The following NPFFR2 variants were observed in gnomAD, a reference collection of about 807,000 sequenced individuals.
NPFFR2 encodes G-protein coupled receptor 74.
Under a neutral mutation model 13.1 loss-of-function variants are expected in NPFFR2, and 15 were observed. The ratio of observed to expected loss-of-function variants is 1.15; its 90% confidence interval spans 0.77 to 1.76. The LOEUF (loss-of-function observed/expected upper bound fraction) is 1.76. NPFFR2 is among the 40% of genes most tolerant of loss of function. NPFFR2 has a pLI of 0.00. For synonymous variants in NPFFR2, 190 were observed against 175.7 expected, an observed-to-expected ratio of 1.08 and a Z score of -0.65; for missense variants, 572 against 503.5, an observed-to-expected ratio of 1.14 and a Z score of -1.30.
At chr4:72,050,957 G>A (rs1295924014) in intron 1 of NPFFR2, among the ~76,000 whole-genome samples, 16 of 151,810 alleles carry the variant, frequency 1.1e-4, no homozygotes, top group Non-Finnish European at 1.3e-4. Context: ...ATTTTTTATG[G>A]CTGCATAGTA....
At chr4:72,131,724 T>G (rs1393946590) in intron 2 of NPFFR2, among the ~76,000 whole-genome samples, 3 of 152,158 alleles carry the variant, frequency 2.0e-5, no homozygotes, top group African/African-American at 7.2e-5. Context: ...GTGATTTTAC[T>G]AAAAGATTAT....
Position 72,147,655 on chromosome 4 carries a change from G to T in NPFFR2, c.1106G>T (p.Ser369Ile). The T allele has an allele frequency of 6.2e-7, 1 of 1,614,098 alleles. No individual in the cohort carries two copies. Among genetic ancestry groups the T allele is most frequent in the Non-Finnish European group, 8.5e-7 (1 of 1,180,022 alleles). The change falls in exon 4 of 4, where the codon AGC becomes ATC. Residue 369 changes from serine to isoleucine, a missense_variant. By Grantham distance (142) the Ser-to-Ile change is moderately radical. Transcript: ENST00000308744. ...GAAGCTTATGCCCTAAAAGCTAAAA[G>T]CCATGTGCTCATAAACACATCTAAT... is the stretch of plus-strand genomic sequence containing the variant. Reference protein sequence around the residue: ...PMEAYALKAKSHVLINTSNQL... With the variant: ...PMEAYALKAKIHVLINTSNQL...
At chr4:72,118,368 G>T (rs1721770634) in intron 1 of NPFFR2, among the ~76,000 whole-genome samples, 1 of 152,142 alleles carries the variant, frequency 6.6e-6, no homozygotes, top group South Asian at 2.1e-4. Flanking sequence ...ATTATCCAAT[G>T]AAAACCTAAC....
intron 3 of NPFFR2, among the ~76,000 whole-genome samples, chr4:72,139,804 G>A (rs1722540329): frequency 6.6e-6 from 1 of 152,150 alleles, no homozygotes; most frequent in Admixed American, 6.6e-5. Context: ...GAAAGTCAAT[G>A]GTAGCTTGAT....
chr4:72,049,838 G>GT (rs747391477), intron 1 of NPFFR2, among the ~76,000 whole-genome samples: 5 of 152,130 alleles, frequency 3.3e-5, no homozygotes, highest in African/African-American at 9.6e-5. Flanking sequence ...AATGTAATTG[G>GT]TTTTTGTTCC....
intron 2 of NPFFR2, among the ~76,000 whole-genome samples, chr4:72,132,302 A>G (rs1680788896): frequency 2.0e-5 from 3 of 152,290 alleles, no homozygotes; most frequent in South Asian, 4.1e-4. Flanking sequence ...CTCCAGCTCC[A>G]TCCATGTTCC....
At chr4:72,104,280 G>A (rs780200946) in intron 1 of NPFFR2, among the ~76,000 whole-genome samples, 56 of 152,080 alleles carry the variant, frequency 3.7e-4, no homozygotes, top group Non-Finnish European at 7.4e-4. Context: ...TGATGATGTC[G>A]ATTATCATCC....
chr4:72,147,912 A>C lies in NPFFR2; in HGVS notation c.*100A>C. On this transcript the variant is annotated 3_prime_UTR_variant, in exon 4 of 4. Coordinates refer to ENST00000308744, the MANE Select transcript of NPFFR2 (RefSeq NM_004885.3). ...TTCAAATTTTTCAAAGAATGTTCTA[A>C]ATAAAACATTTACTGAAAGCCCTCT... The C allele has an allele frequency of 4.3e-6, 4 of 930,358 alleles. No homozygotes were observed. Among genetic ancestry groups the C allele is most frequent in the Non-Finnish European group, 6.1e-6 (4 of 657,524 alleles). 57.6% of individuals were successfully genotyped at this position (930,358 alleles called of 1,614,324 possible).
chr4:72,051,687 A>G (rs1374531409), intron 1 of NPFFR2, among the ~76,000 whole-genome samples: 2 of 152,122 alleles, frequency 1.3e-5, no homozygotes, highest in Non-Finnish European at 2.9e-5. Flanking sequence ...AACCCTTCAA[A>G]AAATTGGTGA....
chr4:72,052,739 T>G (rs984715663), intron 1 of NPFFR2, among the ~76,000 whole-genome samples: 9 of 151,898 alleles, frequency 5.9e-5, no homozygotes, highest in African/African-American at 2.2e-4. Context: ...TAACTAAGAG[T>G]CTGGCACCTT....
intron 1 of NPFFR2, among the ~76,000 whole-genome samples, chr4:72,055,549 G>A (rs1285562468): frequency 1.3e-5 from 2 of 151,794 alleles, no homozygotes; most frequent in Non-Finnish European, 2.9e-5. Context: ...ACCCTACAAT[G>A]GCCTCTAAGT....
At chr4:72,075,928 A>C (rs1323307684) in intron 1 of NPFFR2, among the ~76,000 whole-genome samples, 3 of 151,432 alleles carry the variant, frequency 2.0e-5, no homozygotes, top group Non-Finnish European at 4.4e-5. Flanking sequence ...CAAAATAATA[A>C]AAAGTAAATC....
At chr4:72,080,193 C>T (rs1343920984) in intron 1 of NPFFR2, among the ~76,000 whole-genome samples, 1 of 149,824 alleles carries the variant, frequency 6.7e-6, no homozygotes, top group Non-Finnish European at 1.5e-5. Flanking sequence ...GAGATGGAGT[C>T]TTGCTCTGTC....
rs192091917 is a variant in NPFFR2 at position 72,121,336 on chromosome 4, T to A, written c.-7-7249T>A. On this transcript the variant is annotated intron_variant, in intron 1 of 3. Coordinates refer to ENST00000308744, the MANE Select transcript of NPFFR2 (RefSeq NM_004885.3). The stretch of plus-strand genomic sequence containing the variant: ...AGTGGGAAAACACTTTTCAGGATAT[T>A]ATCCAGGAGAACTTCCCCAACCTAG... 3.0e-3 allele frequency among the ~76,000 whole-genome samples: 462 copies of A among 152,246 alleles called. 2 individuals are homozygous for A. The highest frequency in any genetic ancestry group is 0.011 in the African/African-American group (448 of 41,550).
intron 1 of NPFFR2, among the ~76,000 whole-genome samples, chr4:72,102,460 T>G (rs1367923526): frequency 6.6e-6 from 1 of 151,906 alleles, no homozygotes; most frequent in African/African-American, 2.4e-5. Context: ...ATGTGCCATG[T>G]TGGTGTGCTG....
At chr4:72,067,452 TAATG>T (rs1177441938) in intron 1 of NPFFR2, among the ~76,000 whole-genome samples, 1 of 152,188 alleles carries the variant, frequency 6.6e-6, no homozygotes, top group African/African-American at 2.4e-5. Context: ...CCCATTATCT[TAATG>T]AATAATACCT....
At chr4:72,061,284 A>G (rs1719911791) in intron 1 of NPFFR2, among the ~76,000 whole-genome samples, 1 of 152,158 alleles carries the variant, frequency 6.6e-6, no homozygotes, top group African/African-American at 2.4e-5. Context: ...CACCTTCCAA[A>G]TCTCATAACT....
At chr4:72,086,865 A>T (rs763393250) in intron 1 of NPFFR2, among the ~76,000 whole-genome samples, 3 of 152,068 alleles carry the variant, frequency 2.0e-5, no homozygotes, top group Admixed American at 6.6e-5. Flanking sequence ...AGAGTTATGC[A>T]TCCCATGGGA....
At chr4:72,111,355 G>A (rs1721562263) in intron 1 of NPFFR2, among the ~76,000 whole-genome samples, 1 of 152,006 alleles carries the variant, frequency 6.6e-6, no homozygotes, top group Admixed American at 6.6e-5. Flanking sequence ...CCTGGAAATT[G>A]AGATGGAGAA....
Sources: allele counts gnomAD v4.1 joint callset (sites outside exome capture counted in the v4.1 genomes callset), GRCh38; gene constraint gnomAD v4.1.1; transcripts MANE v1.5; gene names NCBI Gene and HGNC (gene_info 2026-07-23, HGNC 2026-07-21).